The following TCIRG1 variants were observed in gnomAD, a reference collection of about 807,000 sequenced individuals.
The protein encoded by TCIRG1 is V-type proton ATPase 116 kDa subunit a 3.
Under a neutral mutation model 95.5 loss-of-function variants are expected in TCIRG1, and 86 were observed. That is an observed-to-expected ratio of 0.90 (90% CI 0.76 to 1.08). The LOEUF is 1.08. Ranked by LOEUF, TCIRG1 falls within the 50% of genes least tolerant of loss-of-function variation. The pLI is 0.00. For synonymous variants in TCIRG1, 499 were observed against 501.3 expected, an observed-to-expected ratio of 1.00 and a Z score of 0.06; for missense variants, 1,069 against 1,140.2, an observed-to-expected ratio of 0.94 and a Z score of 0.90.
intron 13 of TCIRG1, 50 bp from the exon 14 acceptor site, chr11:68,048,829 G>C (rs375645575): frequency 1.5e-6 from 2 of 1,342,346 alleles, no homozygotes; most frequent in African/African-American, 2.9e-5. Context: ...CTTCCTGGCA[G>C]TGATGGCGAG....
At chr11:68,051,581 C>G (rs1322105315), downstream of TCIRG1, among the ~76,000 whole-genome samples, 1 of 152,252 alleles carries the variant, frequency 6.6e-6, no homozygotes, top group African/African-American at 2.4e-5. Flanking sequence ...CTTCCCACAG[C>G]TGTGGCTGAG....
At chr11:68,042,082 C>G (rs1242934334) in intron 3 of TCIRG1, among the ~76,000 whole-genome samples, 1 of 152,138 alleles carries the variant, frequency 6.6e-6, no homozygotes, top group Non-Finnish European at 1.5e-5. Flanking sequence ...AGCATAAGAG[C>G]CCAGGACTTC....
rs993852798 is a variant in TCIRG1 at position 68,039,025 on chromosome 11, A to C, written c.-99A>C. The C allele has an allele frequency of 3.9e-5, 6 of 152,172 alleles. No individual in the cohort carries two copies. The highest frequency in any genetic ancestry group is 1.2e-4 in the African/African-American group (5 of 41,444). The allele number at this position is 152,172 out of a possible 1,614,324, so 9.4% of individuals were successfully genotyped here. On this transcript the variant is annotated 5_prime_UTR_variant, in exon 1 of 20. Coordinates refer to ENST00000265686, the MANE Select transcript of TCIRG1 (RefSeq NM_006019.4). ...GCCCGGAAAGGAGTGAGCGGCGCCT[A>C]GTCCCGGGCTGGCGGGAGTGCAGTT...
In TCIRG1 at chr11:68,045,122, T is replaced by C; in HGVS notation, c.1165+20T>C. ...ACCCCGGTGAGAGCCACGGCATCCT[T>C]ACCCGTGTCCTGGGAGGCTCAGCTG... On this transcript the variant is annotated intron_variant, in intron 10 of 19. Coordinates refer to ENST00000265686, the MANE Select transcript of TCIRG1 (RefSeq NM_006019.4). The C allele has an allele frequency of 6.3e-7, 1 of 1,599,292 alleles. No homozygotes were observed. The highest frequency in any genetic ancestry group is 8.5e-7 in the Non-Finnish European group (1 of 1,179,902).
At position 68,042,837 on chromosome 11, in the gene TCIRG1, G is replaced by C. The variant is rs377377656; in HGVS notation, c.391G>C (p.Val131Leu). The C allele has an allele frequency of 1.9e-6, 3 of 1,549,106 alleles. No homozygotes were observed. The highest frequency in any genetic ancestry group is 1.4e-5 in the African/African-American group (1 of 73,134). Reference protein sequence around the residue: ...QLHQLQLHAAVLRQGHEPQLA... With the variant: ...QLHQLQLHAALLRQGHEPQLA... ...GCACCAGCTGCAGCTCCACGCCGCC[G>C]TGCTACGCCAGGGCCATGAACCTCA... The change falls in exon 4 of 20, where the codon GTG becomes CTG. Residue 131 changes from valine to leucine, a missense_variant. Physicochemically the swap from Val to Leu is conservative, Grantham distance 32. Coordinates refer to ENST00000265686, the MANE Select transcript of TCIRG1 (RefSeq NM_006019.4).
At chr11:68,044,897 G>A in intron 9 of TCIRG1, 61 bp from the exon 10 acceptor site, 1 of 1,598,384 alleles carries the variant, frequency 6.3e-7, no homozygotes. Context: ...CCTGGCTGGA[G>A]ATCCCAGGGT....
chr11:68,046,806 C>T, intron 10 of TCIRG1: 1 of 452,826 alleles, frequency 2.2e-6, no homozygotes, highest in Admixed American at 2.4e-5. Context: ...GCTCCCTGTC[C>T]TCTCTGGCTT....
At position 68,041,789 on chromosome 11, in the gene TCIRG1, G is replaced by C. The variant is rs118141250; in HGVS notation, c.154G>C (p.Val52Leu). 4.7e-4 allele frequency: 761 copies of C among 1,610,980 alleles called. 11 individuals carry two copies. In the East Asian group the frequency reaches 0.013, roughly 28 times the overall value. Residue 52 changes from valine to leucine, a missense_variant, in exon 3 of 20, where the codon GTG becomes CTG. By Grantham distance (32) the Val-to-Leu change is conservative (BLOSUM62 1). Transcript: ENST00000265686. ...ASVSAFQRRFVVDVRRCEELE... is the reference protein window; with the variant it reads ...ASVSAFQRRFLVDVRRCEELE... ...GGTGAGCGCCTTCCAGAGACGCTTT[G>C]TGGTTGATGTTCGGCGCTGTGAGGA...
intron 16 of TCIRG1, 39 bp from the exon 17 acceptor site, chr11:68,049,923 G>A (rs1199650924): frequency 5.7e-6 from 9 of 1,579,938 alleles, no homozygotes; most frequent in Middle Eastern, 2.2e-4. Context: ...GGACCTCCTG[G>A]GGCTGGAGTG....
intron 5 of TCIRG1, 51 bp downstream of exon 5, chr11:68,043,082 C>G (rs748413872): frequency 2.5e-5 from 39 of 1,548,648 alleles, no homozygotes; most frequent in Non-Finnish European, 3.4e-5. Flanking sequence ...GAACCCCTGG[C>G]CAGTCGCTGG....
At chr11:68,044,493 C>CCAGGG in intron 9 of TCIRG1, 149 bp downstream of exon 9, 1 of 701,766 alleles carries the variant, frequency 1.4e-6, no homozygotes, top group East Asian at 2.7e-5. Flanking sequence ...CCCACCGCTT[C>CCAGGG]CAGGGAGTCT....
chr11:68,048,129 C>T (rs777354162), intron 13 of TCIRG1, 157 bp downstream of exon 13: 72 of 735,364 alleles, frequency 9.8e-5, no homozygotes, highest in Non-Finnish European at 1.5e-4. Flanking sequence ...TCCTGCCCTG[C>T]GGAGCCTGCA....
chr11:68,049,797 G>T lies in TCIRG1; in HGVS notation c.2013+9G>T. ...GGCCCGCTGACCGACAGGTGGGACC[G>T]GGGCCTAAGGTGTGGGGGGCTGCTT... On this transcript the variant is annotated intron_variant, in intron 16 of 19. Coordinates refer to ENST00000265686, the MANE Select transcript of TCIRG1 (RefSeq NM_006019.4). 1 of 1,565,426 alleles carries T rather than the reference G, an allele frequency of 6.4e-7. No homozygotes were observed. Among genetic ancestry groups the T allele is most frequent in the Non-Finnish European group, 8.6e-7 (1 of 1,162,618 alleles).
chr11:68,047,913 A>C lies in TCIRG1; in HGVS notation c.1495A>C (p.Thr499Pro), dbSNP rs1455101066. Reference protein sequence around the residue: ...DAFLAQHTMLTLDPNVTGVFL... With the variant: ...DAFLAQHTMLPLDPNVTGVFL... ...ATTCCTGGCCCAGCACACGATGCTTACCCTGGATCCCAACGTCACCGGTGT... is the reference window on the plus strand; with the variant it reads ...ATTCCTGGCCCAGCACACGATGCTTCCCCTGGATCCCAACGTCACCGGTGT... Residue 499 changes from threonine to proline, a missense_variant, in exon 13 of 20, where the codon ACC becomes CCC. By Grantham distance (38) the Thr-to-Pro change is conservative. Coordinates refer to ENST00000265686, the MANE Select transcript of TCIRG1 (RefSeq NM_006019.4). 1.2e-6 allele frequency: 2 copies of C among 1,613,692 alleles called. No individual in the cohort carries two copies. Among genetic ancestry groups the C allele is most frequent in the Non-Finnish European group, 1.7e-6 (2 of 1,179,992 alleles).
intron 10 of TCIRG1, among the ~76,000 whole-genome samples, 175 bp from the exon 11 acceptor site, chr11:68,047,258 C>CCCCGG (rs946993819): frequency 1.0e-5 from 1 of 99,304 alleles, no homozygotes; most frequent in African/African-American, 4.1e-5. Context: ...TGATGCCCCC[C>CCCCGG]CCCCCCCCCG....
In TCIRG1 at chr11:68,041,384, G is replaced by A; in HGVS notation, c.113G>A (p.Arg38Lys). ...GGCGAGCTGGGCCTCGTGGAGTTCA[G>A]AGACGTGAGTTGGGTGGGCAGGCGT... Reference protein sequence around the residue: ...RLGELGLVEFRDLNASVSAFQ... With the variant: ...RLGELGLVEFKDLNASVSAFQ... Residue 38 changes from arginine to lysine, a missense_variant, in exon 2 of 20, where the codon AGA becomes AAA. Physicochemically the swap from Arg to Lys is conservative, Grantham distance 26. Transcript: ENST00000265686. The A allele has an allele frequency of 6.2e-7, 1 of 1,609,968 alleles. No individual in the cohort carries two copies.
At chr11:68,052,893 C>A (rs1333493653), downstream of TCIRG1, 1 of 152,370 alleles carries the variant, frequency 6.6e-6, no homozygotes, top group African/African-American at 2.4e-5. Context: ...ATAGTACAAT[C>A]TCTGTGGTAG....
At position 68,041,265 on chromosome 11, in the gene TCIRG1, CA is replaced by C. The variant is rs1182004453; in HGVS notation, c.-4-2del. The C allele has an allele frequency of 3.7e-6, 6 of 1,608,368 alleles. No individual in the cohort carries two copies. Among genetic ancestry groups the C allele is most frequent in the Non-Finnish European group, 5.1e-6 (6 of 1,175,838 alleles). Reference sequence around the variant, plus strand: ...ACTGGCCCCCATCCGTGTCCACCCACAGGACCATGGGCTCCATGTTCCGGAG... The same window carrying C: ...ACTGGCCCCCATCCGTGTCCACCCACGGACCATGGGCTCCATGTTCCGGAG... On this transcript the variant is annotated splice_acceptor_variant, in intron 1 of 19. Coordinates refer to ENST00000265686, the MANE Select transcript of TCIRG1 (RefSeq NM_006019.4). LOFTEE classifies it low-confidence loss of function (5UTR_SPLICE).
chr11:68,051,159 C>T (rs576883945), downstream of TCIRG1, among the ~76,000 whole-genome samples: 1 of 152,294 alleles, frequency 6.6e-6, no homozygotes, highest in South Asian at 2.1e-4. Context: ...TGGCTGTGAG[C>T]GGGTGTCTGG....
Sources: gnomAD v4.1 joint callset for allele counts (sites outside exome capture counted in the v4.1 genomes callset) on GRCh38, gnomAD v4.1.1 for gene constraint, MANE v1.5 for transcripts, NCBI Gene and HGNC (gene_info 2026-07-23, HGNC 2026-07-21) for gene names.